Variants in ADAMTSL1 observed in about 807,000 individuals in gnomAD.
ADAMTSL1 encodes ADAMTS like 1.
ADAMTSL1 carries 126 observed loss-of-function variants against 201.8 expected under a neutral mutation model. The observed-to-expected ratio is 0.62, with a 90% CI of 0.54 to 0.72. ADAMTSL1 has a LOEUF of 0.72. Among genes scored for constraint, ADAMTSL1 ranks in the 30% least tolerant of loss-of-function variants. The probability of loss-of-function intolerance (pLI) is 0.00; values close to 1 mark genes in which losing one functional copy is unlikely to be tolerated. For synonymous variants in ADAMTSL1, 1,121 were observed against 903.4 expected (o/e 1.24, Z -4.32); for missense variants, 2,679 against 2,277.8 (o/e 1.18, Z -3.59).
At chr9:17,959,034 G>T (rs751925255) in intron 1 of ADAMTSL1, among the ~76,000 whole-genome samples, 45 of 152,064 alleles carry the variant, frequency 3.0e-4, no homozygotes, top group Non-Finnish European at 5.7e-4. Flanking sequence ...CTGCCTGTGG[G>T]AATAGTAATT....
intron 1 of ADAMTSL1, among the ~76,000 whole-genome samples, chr9:18,028,024 A>G (rs1820774435): frequency 6.6e-6 from 1 of 152,080 alleles, no homozygotes; most frequent in African/African-American, 2.4e-5. Flanking sequence ...CTGATACAAG[A>G]ATAGTGACCT....
intron 2 of ADAMTSL1, among the ~76,000 whole-genome samples, chr9:18,524,076 A>G (rs924300867): frequency 2.3e-4 from 34 of 151,026 alleles, no homozygotes; most frequent in Non-Finnish European, 3.7e-4. Flanking sequence ...ACCCATGAGC[A>G]TGGAATGTTC....
intron 2 of ADAMTSL1, among the ~76,000 whole-genome samples, chr9:18,439,616 C>T (rs575726068): frequency 1.2e-3 from 188 of 152,304 alleles, no homozygotes; most frequent in African/African-American, 4.4e-3. Flanking sequence ...CTGCCTGCCT[C>T]GGTCTCCCAA....
chr9:18,184,975 C>T (rs180891108), intron 2 of ADAMTSL1, among the ~76,000 whole-genome samples: 1 of 152,148 alleles, frequency 6.6e-6, no homozygotes, highest in African/African-American at 2.4e-5. Flanking sequence ...TTAATTGACA[C>T]AGGTTGAATC....
chr9:18,406,287 GTT>G (rs375073783), intron 2 of ADAMTSL1, among the ~76,000 whole-genome samples: 2 of 62,196 alleles, frequency 3.2e-5, no homozygotes, highest in African/African-American at 8.6e-5. Flanking sequence ...GTATAAGACA[GTT>G]TTTTCTTTTC....
intron 1 of ADAMTSL1, among the ~76,000 whole-genome samples, chr9:18,494,625 A>G (rs1294826831): frequency 1.3e-5 from 2 of 152,200 alleles, no homozygotes; most frequent in East Asian, 1.9e-4. Context: ...AAAAGCAGGA[A>G]TGAATCTAGA....
intron 2 of ADAMTSL1, among the ~76,000 whole-genome samples, chr9:18,335,120 G>A (rs1461534078): frequency 3.3e-5 from 5 of 152,196 alleles, no homozygotes; most frequent in Non-Finnish European, 5.9e-5. Context: ...AATCAAAGTG[G>A]TGATAACAGA....
chr9:18,905,859 C>A lies in ADAMTSL1; in HGVS notation c.4929C>A (p.Thr1643=). The A allele has an allele frequency of 6.2e-7, 1 of 1,613,318 alleles. No homozygotes were observed. The highest frequency in any genetic ancestry group is 1.1e-5 in the South Asian group (1 of 90,796). ...TCTGCCAGACACGGGATGGCATCAC[C>A]TTACCATCAGAGCAGTGCAGTGCTC... ...QVFCQTRDGI[T]LPSEQCSALP... is the part of the protein sequence containing the mutation. Residue 1643 remains threonine, a synonymous_variant, in exon 27 of 29, where the codon ACC becomes ACA. Coordinates refer to ENST00000380548, the MANE Select transcript of ADAMTSL1 (RefSeq NM_001040272.6).
At chr9:18,451,209 A>G (rs1820392100) in intron 2 of ADAMTSL1, among the ~76,000 whole-genome samples, 1 of 152,150 alleles carries the variant, frequency 6.6e-6, no homozygotes, top group East Asian at 1.9e-4. Flanking sequence ...TGAAACAATC[A>G]TGTTTGCATA....
At chr9:18,062,058 G>C (rs982317740) in intron 1 of ADAMTSL1, among the ~76,000 whole-genome samples, 1 of 152,164 alleles carries the variant, frequency 6.6e-6, no homozygotes, top group Non-Finnish European at 1.5e-5. Flanking sequence ...TGATTCACTG[G>C]TTTAGGGGTG....
In ADAMTSL1 at chr9:18,661,924, T is replaced by C; in HGVS notation, c.947-11T>C. The C allele has an allele frequency of 6.2e-7, 1 of 1,610,104 alleles. No individual in the cohort carries two copies. Among genetic ancestry groups the C allele is most frequent in the Non-Finnish European group, 8.5e-7 (1 of 1,178,614 alleles). ...TACATTTAAACTTGCCTGGATGGTT[T>C]GATACTACAGGTTATCAGCTGACAT... On this transcript the variant is annotated splice_polypyrimidine_tract_variant and intron_variant, in intron 8 of 28. Transcript: ENST00000380548.
chr9:18,443,145 A>T (rs1253111704), intron 2 of ADAMTSL1, among the ~76,000 whole-genome samples: 1 of 152,172 alleles, frequency 6.6e-6, no homozygotes, highest in African/African-American at 2.4e-5. Context: ...CTGGCCTTTG[A>T]TGTATTTTAT....
In ADAMTSL1 at chr9:18,624,900, G is replaced by A. The variant is rs551135731; in HGVS notation, c.601+2531G>A. Among the ~76,000 whole-genome samples, 11 of 152,206 alleles carry A rather than the reference G, an allele frequency of 7.2e-5. No individual in the cohort carries two copies. In the East Asian group the frequency reaches 7.7e-4, roughly 11 times the overall value. On this transcript the variant is annotated intron_variant, in intron 5 of 28. Coordinates refer to ENST00000380548, the MANE Select transcript of ADAMTSL1 (RefSeq NM_001040272.6). ...CATACTGACAAAATGGAATTGATTCGTTTACCTTAGCACTGATGATGTCTC... is the reference window on the plus strand; with the variant it reads ...CATACTGACAAAATGGAATTGATTCATTTACCTTAGCACTGATGATGTCTC...
chr9:18,815,594 G>A (rs916069704), intron 20 of ADAMTSL1, among the ~76,000 whole-genome samples: 1 of 150,878 alleles, frequency 6.6e-6, no homozygotes. Flanking sequence ...TGTAGTTTCA[G>A]CTACCCAGGA....
intron 2 of ADAMTSL1, among the ~76,000 whole-genome samples, chr9:18,418,443 G>A (rs751895664): frequency 6.6e-6 from 1 of 152,142 alleles, no homozygotes; most frequent in Non-Finnish European, 1.5e-5. Flanking sequence ...ATAATACACA[G>A]TTTTGATTGT....
At chr9:18,702,296 C>T (rs1019978443) in intron 13 of ADAMTSL1, among the ~76,000 whole-genome samples, 2 of 152,176 alleles carry the variant, frequency 1.3e-5, no homozygotes, top group Non-Finnish European at 2.9e-5. Flanking sequence ...TAGACATACA[C>T]CTAGAGGCTA....
At chr9:17,951,843 G>A (rs1339394038) in intron 1 of ADAMTSL1, among the ~76,000 whole-genome samples, 1 of 151,698 alleles carries the variant, frequency 6.6e-6, no homozygotes, top group African/African-American at 2.4e-5. Flanking sequence ...TTAGAGACAG[G>A]GTGTCACTCT....
At chr9:18,324,132 T>C (rs1274954800) in intron 2 of ADAMTSL1, among the ~76,000 whole-genome samples, 2 of 152,164 alleles carry the variant, frequency 1.3e-5, no homozygotes, top group African/African-American at 2.4e-5. Context: ...AATAGATGAA[T>C]GAAGCAGAAT....
chr9:18,649,006 C>G (rs1412663280), intron 7 of ADAMTSL1, among the ~76,000 whole-genome samples: 1 of 152,180 alleles, frequency 6.6e-6, no homozygotes, highest in African/African-American at 2.4e-5. Context: ...TCCATTCTCC[C>G]CATCACTTTC....
Sources: allele counts gnomAD v4.1 joint callset (sites outside exome capture counted in the v4.1 genomes callset), GRCh38; gene constraint gnomAD v4.1.1; transcripts MANE v1.5; gene names NCBI Gene and HGNC (gene_info 2026-07-23, HGNC 2026-07-21).